Variants in ANKRD17 observed in about 807,000 individuals in gnomAD.
The protein encoded by ANKRD17 is ankyrin repeat domain-containing protein 17.
In ANKRD17, 19 loss-of-function variants were observed where a neutral mutation model predicts 229.7. That is an observed-to-expected ratio of 0.08 (90% CI 0.06 to 0.12). ANKRD17 has a LOEUF of 0.12. ANKRD17 is among the 10% of genes least tolerant of loss of function. The pLI, the probability that ANKRD17 is intolerant of heterozygous loss-of-function variation, is 1.00. For synonymous variants in ANKRD17, 1,112 were observed against 1,146.1 expected, an observed-to-expected ratio of 0.97 and a Z score of 0.60; for missense variants, 2,176 against 3,176.8, an observed-to-expected ratio of 0.68 and a Z score of 7.57.
chr4:73,090,985 G>A lies in ANKRD17; in HGVS notation c.6643C>T (p.Pro2215Ser). The change falls in exon 29 of 34, where the codon CCC becomes TCC. Residue 2215 changes from proline (P) to serine (S), a missense_variant. Transcript: ENST00000358602. ...VNHIKRPHSV[P>S]SSVQLPSTLS... ...GTCGAAGGTAGCTGGACAGAAGAGG[G>A]AACACTGTGAGGTCTTTTAATGTGA... 1 of 1,614,248 alleles carries A rather than the reference G, an allele frequency of 6.2e-7. No homozygotes were observed. Among genetic ancestry groups the A allele is most frequent in the Non-Finnish European group, 8.5e-7 (1 of 1,180,050 alleles).
intron 1 of ANKRD17, among the ~76,000 whole-genome samples, chr4:73,254,011 A>C (rs1023109560): frequency 6.6e-6 from 1 of 152,234 alleles, no homozygotes; most frequent in African/African-American, 2.4e-5. Context: ...AATTATAATT[A>C]AGACAGACTA....
chr4:73,203,558 C>A (rs1291892866), intron 1 of ANKRD17, among the ~76,000 whole-genome samples: 2 of 151,848 alleles, frequency 1.3e-5, no homozygotes, highest in Non-Finnish European at 2.9e-5. Context: ...GAGATCGAGA[C>A]CATCCTGGCT....
intron 18 of ANKRD17, among the ~76,000 whole-genome samples, chr4:73,122,391 A>G (rs1726860790): frequency 6.6e-6 from 1 of 152,148 alleles, no homozygotes. Flanking sequence ...AACATCTGTT[A>G]TTGCCAGTCG....
Position 73,124,970 on chromosome 4 carries a change from C to T in ANKRD17, c.3435G>A (p.Gln1145=), listed in dbSNP as rs1469956413. 1 of 1,614,144 alleles carries T rather than the reference C, an allele frequency of 6.2e-7. No individual in the cohort carries two copies. The highest frequency in any genetic ancestry group is 2.2e-5 in the East Asian group (1 of 44,870). The change falls in exon 18 of 34, where the codon CAG becomes CAA. Residue 1145 remains glutamine (Q), a synonymous_variant. Coordinates refer to ENST00000358602, the MANE Select transcript of ANKRD17 (RefSeq NM_032217.5). ...GTGGTGTGTCCTTGGTTCTTTCAGA[C>T]TGGGCTTCAATGTCTGCACCATTGT... The part of the protein sequence containing the change: ...LLDNGADIEA[Q]SERTKDTPLS...
chr4:73,245,224 CT>C (rs35796216), intron 1 of ANKRD17, among the ~76,000 whole-genome samples: 52,670 of 151,990 alleles, frequency 0.35, 10,702 homozygotes, highest in Admixed American at 0.48. Flanking sequence ...ATGGTTTCTT[CT>C]TAGAAAGAAG....
intron 1 of ANKRD17, among the ~76,000 whole-genome samples, chr4:73,179,574 G>T (rs1314692696): frequency 7.3e-6 from 1 of 136,270 alleles, no homozygotes; most frequent in Non-Finnish European, 1.5e-5. Context: ...GCCCAAGCTG[G>T]CCTCAAACTC....
rs139793207 is a variant in ANKRD17, at chr4:73,189,090, C to T, written c.394-11557G>A. On this transcript the variant is annotated intron_variant, in intron 1 of 33. Coordinates refer to ENST00000358602, the MANE Select transcript of ANKRD17 (RefSeq NM_032217.5). ...TTAGAGGCAACTTCTATCAAAATTA[C>T]ATAGCATTATTATAACATTTAAGGA... Among the ~76,000 whole-genome samples, 3 of 152,204 alleles carry T rather than the reference C, an allele frequency of 2.0e-5. No homozygotes were observed. In the East Asian group the frequency reaches 5.8e-4, roughly 29 times the overall value.
chr4:73,243,867 G>A (rs945121133), intron 1 of ANKRD17, among the ~76,000 whole-genome samples: 1 of 152,202 alleles, frequency 6.6e-6, no homozygotes, highest in Non-Finnish European at 1.5e-5. Flanking sequence ...TACCTATGCT[G>A]ACCTTTCTGT....
chr4:73,192,432 A>G (rs1737252418), intron 1 of ANKRD17, among the ~76,000 whole-genome samples: 2 of 152,118 alleles, frequency 1.3e-5, no homozygotes, highest in African/African-American at 4.8e-5. Flanking sequence ...ACACATGTGC[A>G]AGAATGTACA....
chr4:73,225,643 G>A (rs1341991582), intron 1 of ANKRD17, among the ~76,000 whole-genome samples: 2 of 151,954 alleles, frequency 1.3e-5, no homozygotes, highest in African/African-American at 4.8e-5. Context: ...CAGATCACCT[G>A]AGGTCAGGAG....
chr4:73,082,308 A>G (rs544868732), intron 30 of ANKRD17, among the ~76,000 whole-genome samples: 2 of 151,770 alleles, frequency 1.3e-5, no homozygotes, highest in Non-Finnish European at 2.9e-5. Context: ...CATCTTACAA[A>G]AAATAAATAC....
At chr4:73,216,851 A>G (rs919011023) in intron 1 of ANKRD17, among the ~76,000 whole-genome samples, 3 of 152,254 alleles carry the variant, frequency 2.0e-5, no homozygotes, top group African/African-American at 7.2e-5. Flanking sequence ...TATTAATCCA[A>G]CCACACATGA....
At chr4:73,122,070 T>C (rs911015221) in intron 18 of ANKRD17, among the ~76,000 whole-genome samples, 1 of 152,172 alleles carries the variant, frequency 6.6e-6, no homozygotes, top group African/African-American at 2.4e-5. Context: ...AGCGGTAAAA[T>C]AGAGTAATAT....
chr4:73,154,291 C>T (rs1337942876), intron 5 of ANKRD17, among the ~76,000 whole-genome samples, 178 bp from the exon 6 acceptor site: 1 of 151,852 alleles, frequency 6.6e-6, no homozygotes, highest in African/African-American at 2.4e-5. Flanking sequence ...TGCATTTTAT[C>T]TTTCTGAAAT....
At chr4:73,219,661 G>A (rs1741592193) in intron 1 of ANKRD17, among the ~76,000 whole-genome samples, 1 of 152,122 alleles carries the variant, frequency 6.6e-6, no homozygotes, top group Admixed American at 6.5e-5. Context: ...ACTGTCCATA[G>A]ACAGAACCAT....
chr4:73,109,098 G>A (rs1724989099), intron 24 of ANKRD17, among the ~76,000 whole-genome samples: 1 of 152,082 alleles, frequency 6.6e-6, no homozygotes, highest in Non-Finnish European at 1.5e-5. Flanking sequence ...TCAGGAGTTC[G>A]AGACCAGCCT....
intron 1 of ANKRD17, among the ~76,000 whole-genome samples, chr4:73,223,321 G>C (rs1324661390): frequency 1.3e-5 from 2 of 152,142 alleles, no homozygotes; most frequent in Non-Finnish European, 2.9e-5. Context: ...TTTCAAAAAA[G>C]AAATAACATA....
chr4:73,156,218 G>A, intron 3 of ANKRD17, 52 bp from the exon 4 acceptor site: 2 of 1,527,212 alleles, frequency 1.3e-6, no homozygotes, highest in Non-Finnish European at 1.8e-6. Flanking sequence ...TTAAAAAATT[G>A]CACAGCATAA....
In ANKRD17 at chr4:73,139,433, A is replaced by C. The variant is rs1046100311; in HGVS notation, c.3085+98T>G. On this transcript the variant is annotated intron_variant, in intron 15 of 33. Transcript: ENST00000358602. ...AAGCTAGACATGAGTCAGTCCAAAA[A>C]TAGTTCTCAAGTTGGGTAACGGCAA... is the stretch of plus-strand genomic sequence containing the variant. 2.1e-6 allele frequency: 3 copies of C among 1,405,224 alleles called. No homozygotes were observed. The African/African-American group carries it at 4.3e-5, about 20-fold the overall frequency. 87.0% of individuals were successfully genotyped at this position (1,405,224 alleles called of 1,614,324 possible). A position where few individuals can be genotyped will look rare whatever the true frequency, so the allele number is the denominator to read the frequency against.
Sources: allele counts gnomAD v4.1 joint callset (sites outside exome capture counted in the v4.1 genomes callset), GRCh38; gene constraint gnomAD v4.1.1; transcripts MANE v1.5; gene names NCBI Gene and HGNC (gene_info 2026-07-23, HGNC 2026-07-21).